CLK4: variants seen among roughly 807,000 people sequenced by gnomAD.
CLK4 encodes CDC like kinase 4, also known as dual specificity protein kinase CLK4.
A neutral mutation model predicts 64.4 loss-of-function variants in CLK4; 37 were observed. The ratio of observed to expected loss-of-function variants is 0.57; its 90% CI spans 0.44 to 0.76. The LOEUF is 0.76. CLK4 is among the 30% of genes least tolerant of loss of function. CLK4 has a pLI of 0.00. For missense variants in CLK4, 457 were observed against 605.1 expected (o/e 0.76, Z 2.57); for synonymous variants, 175 against 191.6 (o/e 0.91, Z 0.72).
At chr5:178,623,598 G>C (rs1245512116) in intron 1 of CLK4, among the ~76,000 whole-genome samples, 182 bp from the exon 2 acceptor site, 1 of 151,788 alleles carries the variant, frequency 6.6e-6, no homozygotes, top group Non-Finnish European at 1.5e-5. Flanking sequence ...AAGAGGCATA[G>C]AGATCTAGTA....
chr5:178,608,134 A>G (rs971646318), intron 10 of CLK4, among the ~76,000 whole-genome samples: 10 of 152,246 alleles, frequency 6.6e-5, no homozygotes, highest in Non-Finnish European at 1.5e-4. Context: ...AAAAGGAGAC[A>G]GTATGAACCA....
intron 11 of CLK4, 46 bp from the exon 12 acceptor site, chr5:178,603,980 C>G (rs780089460): frequency 7.0e-7 from 1 of 1,425,860 alleles, no homozygotes; most frequent in Admixed American, 2.0e-5. Flanking sequence ...TAACAAGAGT[C>G]GTATCTTTAC....
chr5:178,618,766 T>G lies in CLK4; in HGVS notation c.174A>C (p.Glu58Asp). The change falls in exon 3 of 13, where the codon GAA becomes GAC. Residue 58 changes from glutamate to aspartate, a missense_variant. Coordinates refer to ENST00000316308, the MANE Select transcript of CLK4 (RefSeq NM_020666.3). ...AATCTCGCTCATTCAAGGACCTTGC[T>G]TCTAAATAATGACTGCAAACACATT... is the stretch of plus-strand genomic sequence containing the variant. ...QFKESDCHYL[E>D]ARSLNERDYR... The G allele has an allele frequency of 5.6e-6, 9 of 1,612,654 alleles. No homozygotes were observed. The highest frequency in any genetic ancestry group is 7.6e-6 in the Non-Finnish European group (9 of 1,179,116).
intron 9 of CLK4, among the ~76,000 whole-genome samples, chr5:178,611,490 G>A (rs931277049): frequency 1.3e-5 from 2 of 152,118 alleles, no homozygotes; most frequent in Non-Finnish European, 2.9e-5. Flanking sequence ...AGTCAGTCAC[G>A]CACAGTGACT....
chr5:178,613,061 C>G (rs1764579640), intron 7 of CLK4, among the ~76,000 whole-genome samples, 171 bp from the exon 8 acceptor site: 1 of 152,124 alleles, frequency 6.6e-6, no homozygotes, highest in African/African-American at 2.4e-5. Context: ...ATAATAAAAA[C>G]AAGTTTTCTG....
chr5:178,626,432 C>G (rs1764780740), intron 1 of CLK4, among the ~76,000 whole-genome samples: 1 of 152,240 alleles, frequency 6.6e-6, no homozygotes, highest in African/African-American at 2.4e-5. Flanking sequence ...TGGATTTGCA[C>G]GGACGCCCGG....
At chr5:178,623,745 CG>C (rs895330965) in intron 1 of CLK4, among the ~76,000 whole-genome samples, 15 of 151,304 alleles carry the variant, frequency 9.9e-5, no homozygotes, top group Non-Finnish European at 1.9e-4. Flanking sequence ...AAAAAAAAGC[CG>C]GGGGGGGCAA....
At chr5:178,613,093 T>C (rs1297718549) in intron 7 of CLK4, among the ~76,000 whole-genome samples, 1 of 152,196 alleles carries the variant, frequency 6.6e-6, no homozygotes, top group Non-Finnish European at 1.5e-5. Context: ...TTTATCTTAA[T>C]TGTTAAGGAG....
At position 178,617,048 on chromosome 5, in the gene CLK4, C is replaced by A; in HGVS notation, c.476-100G>T. The A allele has an allele frequency of 1.2e-6, 1 of 842,930 alleles. No individual in the cohort carries two copies. The highest frequency in any genetic ancestry group is 1.5e-5 in the South Asian group (1 of 65,812). The allele number at this position is 842,930 out of a possible 1,614,324, so 52.2% of individuals were successfully genotyped here. ...AGTGTGGAATATTTTCAAATGATCT[C>A]TAACAAAGCATAACTAAGGTTTCAG... is the stretch of plus-strand genomic sequence containing the variant. On this transcript the variant is annotated intron_variant, in intron 4 of 12. Transcript: ENST00000316308. The surrounding 1 kb of genome is among the most constrained non-coding windows in gnomAD (Gnocchi z 5.2).
intron 2 of CLK4, chr5:178,620,313 GTCCAAAA>G: frequency 4.2e-6 from 1 of 240,266 alleles, no homozygotes; most frequent in Non-Finnish European, 8.5e-6. Context: ...TCCCATAAAA[GTCCAAAA>G]TCCTTCTATT....
chr5:178,613,143 C>A (rs1764580637), intron 7 of CLK4, among the ~76,000 whole-genome samples: 1 of 152,144 alleles, frequency 6.6e-6, no homozygotes. Flanking sequence ...AGATTTATTG[C>A]TGTGCACAGT....
At chr5:178,626,357 A>G (rs906968393) in intron 1 of CLK4, among the ~76,000 whole-genome samples, 1 of 152,230 alleles carries the variant, frequency 6.6e-6, no homozygotes, top group African/African-American at 2.4e-5. Context: ...TGTGTTCAGC[A>G]TAGCACAGAG....
Position 178,617,605 on chromosome 5 carries a change from C to T in CLK4, c.385-171G>A. ...TTCAAATTCAGTCCCCAGAAATTCA[C>T]AGGGCACAGTTTATGTTACAGAAGA... On this transcript the variant is annotated intron_variant, in intron 3 of 12. Transcript: ENST00000316308. The surrounding 1 kb of genome is among the most constrained non-coding windows in gnomAD (Gnocchi z 5.2). The T allele has an allele frequency of 1.4e-6, 1 of 689,850 alleles. No homozygotes were observed. The highest frequency in any genetic ancestry group is 3.7e-5 in the South Asian group (1 of 27,316). 42.7% of individuals were successfully genotyped at this position (689,850 alleles called of 1,614,324 possible). A position where few individuals can be genotyped will look rare whatever the true frequency, so the allele number is the denominator to read the frequency against.
At chr5:178,621,298 G>C (rs184913964) in intron 2 of CLK4, among the ~76,000 whole-genome samples, 1 of 152,232 alleles carries the variant, frequency 6.6e-6, no homozygotes, top group East Asian at 1.9e-4. Flanking sequence ...ACTGGTTTAA[G>C]ACTTGATACT....
chr5:178,622,643 G>A (rs892397189), intron 2 of CLK4: 1 of 156,192 alleles, frequency 6.4e-6, no homozygotes, highest in Non-Finnish European at 1.4e-5. Flanking sequence ...ACATGCTGTT[G>A]CAAGTTTTTA....
intron 10 of CLK4, among the ~76,000 whole-genome samples, chr5:178,606,044 C>T (rs1764463324): frequency 6.6e-6 from 1 of 152,194 alleles, no homozygotes; most frequent in African/African-American, 2.4e-5. Flanking sequence ...AGAAATCTAT[C>T]AACTACTGTG....
chr5:178,620,179 C>A, intron 2 of CLK4: 1 of 284,550 alleles, frequency 3.5e-6, no homozygotes, highest in Non-Finnish European at 7.2e-6. Context: ...GGAGAAACAA[C>A]TCAGGATATT....
At position 178,612,462 on chromosome 5, in the gene CLK4, A is replaced by T. The variant is rs757595071; in HGVS notation, c.1005T>A (p.Ser335Arg). Residue 335 changes from serine (S) to arginine (R), a missense_variant, in exon 9 of 13, where the codon AGT becomes AGA. By Grantham distance (110) the Ser-to-Arg change is moderately radical. Transcript: ENST00000316308. ...TGTAGTGCCGGGTAGACACCAAAGT[A>T]CTGTGATGTTCATCATCATACGTTG... is the stretch of plus-strand genomic sequence containing the variant. ...GSATYDDEHHSTLVSTRHYRA... is the reference protein window; with the variant it reads ...GSATYDDEHHRTLVSTRHYRA... 1 of 1,614,122 alleles carries T rather than the reference A, an allele frequency of 6.2e-7. No homozygotes were observed. The highest frequency in any genetic ancestry group is 8.5e-7 in the Non-Finnish European group (1 of 1,179,980).
intron 1 of CLK4, among the ~76,000 whole-genome samples, chr5:178,626,562 G>A (rs1444643747): frequency 1.3e-5 from 2 of 152,248 alleles, no homozygotes; most frequent in African/African-American, 4.8e-5. Context: ...AGGAATCCAG[G>A]GGAAGACTTG....
Sources: allele counts gnomAD v4.1 joint callset (sites outside exome capture counted in the v4.1 genomes callset), GRCh38; gene constraint gnomAD v4.1.1; non-coding constraint Gnocchi (gnomAD v3.1); transcripts MANE v1.5; gene names NCBI Gene and HGNC (gene_info 2026-07-23, HGNC 2026-07-21).